ADAMTS18: variants seen among roughly 807,000 people sequenced by gnomAD.
ADAMTS18 encodes the protein A disintegrin and metalloproteinase with thrombospondin motifs 18.
In ADAMTS18, 157 loss-of-function variants were observed where a neutral mutation model predicts 165.9. The ratio of observed to expected loss-of-function variants is 0.95; its 90% CI spans 0.83 to 1.08. ADAMTS18 has a LOEUF of 1.08. Ranked by LOEUF, ADAMTS18 falls within the 50% of genes least tolerant of loss-of-function variation. The pLI is 0.00. For synonymous variants in ADAMTS18, 782 were observed against 578.2 expected, an observed-to-expected ratio of 1.35 and a Z score of -5.06; for missense variants, 2,040 against 1,534.0, an observed-to-expected ratio of 1.33 and a Z score of -5.51.
chr16:77,289,560 C>T (rs952556541), intron 21 of ADAMTS18, 149 bp from the exon 22 acceptor site: 40 of 852,128 alleles, frequency 4.7e-5, no homozygotes, highest in Non-Finnish European at 6.5e-5. Context: ...TTACAGTCCA[C>T]AGCATCTATC....
intron 10 of ADAMTS18, among the ~76,000 whole-genome samples, chr16:77,351,854 C>A (rs2056560871): frequency 6.6e-6 from 1 of 152,086 alleles, no homozygotes; most frequent in African/African-American, 2.4e-5. Flanking sequence ...CCTGCCTCAG[C>A]CTCCCTAGTA....
intron 3 of ADAMTS18, among the ~76,000 whole-genome samples, chr16:77,382,036 T>C (rs913348338): frequency 3.9e-5 from 6 of 152,108 alleles, no homozygotes; most frequent in Admixed American, 1.3e-4. Flanking sequence ...TTCTACGTAC[T>C]TTCAGGGCAG....
intron 3 of ADAMTS18, among the ~76,000 whole-genome samples, chr16:77,409,327 G>C (rs2057431483): frequency 6.6e-6 from 1 of 152,100 alleles, no homozygotes; most frequent in East Asian, 1.9e-4. Flanking sequence ...AAAACCTTTA[G>C]ACTAAAGCTA....
chr16:77,353,071 C>A (rs888302291), intron 10 of ADAMTS18, among the ~76,000 whole-genome samples: 1 of 151,402 alleles, frequency 6.6e-6, no homozygotes, highest in South Asian at 2.1e-4. Context: ...CACAGTGAGA[C>A]TCTGTCTCAA....
At chr16:77,394,781 C>T (rs2057235209) in intron 3 of ADAMTS18, among the ~76,000 whole-genome samples, 1 of 152,154 alleles carries the variant, frequency 6.6e-6, no homozygotes. Context: ...AACTGATAAA[C>T]ATTAATGTAG....
chr16:77,430,401 C>G (rs1433246141), intron 3 of ADAMTS18, among the ~76,000 whole-genome samples: 1 of 152,194 alleles, frequency 6.6e-6, no homozygotes, highest in Non-Finnish European at 1.5e-5. Flanking sequence ...TCCGCATTCA[C>G]CCGTACCCAA....
chr16:77,343,209 G>T (rs544760102), intron 10 of ADAMTS18, among the ~76,000 whole-genome samples: 1 of 152,200 alleles, frequency 6.6e-6, no homozygotes, highest in African/African-American at 2.4e-5. Flanking sequence ...GAGTAACTGG[G>T]ATTACAAGCA....
chr16:77,322,388 C>G lies in ADAMTS18; in HGVS notation c.2111G>C (p.Gly704Ala). ...FFAMSGKVKD[G>A]TPCSPNKNDV... ...ATTTTTGTTTGGGGAGCAGGGAGTT[C>G]CATCTTTCACTTTGCCGGACATTGC... The change falls in exon 14 of 23, where the codon GGA (glycine) becomes GCA (alanine). Residue 704 changes from glycine (G) to alanine (A), a missense_variant. Physicochemically the swap from Gly to Ala is moderately conservative, Grantham distance 60. Coordinates refer to ENST00000282849, the MANE Select transcript of ADAMTS18 (RefSeq NM_199355.4). 1 of 1,613,956 alleles carries G rather than the reference C, an allele frequency of 6.2e-7. No homozygotes were observed. The highest frequency in any genetic ancestry group is 8.5e-7 in the Non-Finnish European group (1 of 1,179,958).
chr16:77,361,966 AGG>A, intron 7 of ADAMTS18, 137 bp downstream of exon 7: 1 of 956,002 alleles, frequency 1.0e-6, no homozygotes, highest in Admixed American at 2.0e-5. Flanking sequence ...TAGTCACCAC[AGG>A]GTACATTAGG....
At chr16:77,385,602 A>C (rs536600889) in intron 3 of ADAMTS18, among the ~76,000 whole-genome samples, 3 of 152,304 alleles carry the variant, frequency 2.0e-5, no homozygotes, top group Non-Finnish European at 4.4e-5. Context: ...CCTCCCTTGG[A>C]ACTGACAGCA....
intron 3 of ADAMTS18, among the ~76,000 whole-genome samples, chr16:77,412,427 C>T (rs951952032): frequency 4.6e-5 from 7 of 152,106 alleles, no homozygotes; most frequent in East Asian, 1.9e-4. Context: ...TGGACTCAAG[C>T]GATCCTCCTG....
At chr16:77,366,375 C>T (rs544841932) in intron 4 of ADAMTS18, among the ~76,000 whole-genome samples, 1 of 152,048 alleles carries the variant, frequency 6.6e-6, no homozygotes, top group Non-Finnish European at 1.5e-5. Flanking sequence ...CTGGCCAACA[C>T]AGGGAAACCC....
chr16:77,345,157 T>C (rs2056457417), intron 10 of ADAMTS18, among the ~76,000 whole-genome samples: 1 of 152,214 alleles, frequency 6.6e-6, no homozygotes, highest in Non-Finnish European at 1.5e-5. Flanking sequence ...AGTTGTATTC[T>C]ATAGGCTGGA....
chr16:77,303,969 G>T (rs973400126), intron 16 of ADAMTS18, among the ~76,000 whole-genome samples: 1 of 152,162 alleles, frequency 6.6e-6, no homozygotes, highest in Non-Finnish European at 1.5e-5. Context: ...GGCGGAGCTT[G>T]CAGTGAGCCG....
At chr16:77,316,110 C>T (rs560092807) in intron 16 of ADAMTS18, among the ~76,000 whole-genome samples, 104 of 152,310 alleles carry the variant, frequency 6.8e-4, no homozygotes, top group Non-Finnish European at 9.6e-4. Context: ...CCATAATACA[C>T]TGCAAACAGA....
At chr16:77,328,148 G>A (rs1490419019) in intron 12 of ADAMTS18, among the ~76,000 whole-genome samples, 1 of 151,974 alleles carries the variant, frequency 6.6e-6, no homozygotes, top group Non-Finnish European at 1.5e-5. Context: ...TTAAGATCTT[G>A]GTAGGCAGAT....
intron 13 of ADAMTS18, among the ~76,000 whole-genome samples, chr16:77,322,981 G>C (rs2056030380): frequency 6.6e-6 from 1 of 152,078 alleles, no homozygotes; most frequent in Non-Finnish European, 1.5e-5. Context: ...CATACGGTTA[G>C]TCATGTTTGT....
intron 18 of ADAMTS18, among the ~76,000 whole-genome samples, chr16:77,297,035 G>C (rs1180694952): frequency 1.3e-5 from 2 of 152,156 alleles, no homozygotes; most frequent in Non-Finnish European, 2.9e-5. Flanking sequence ...ATATGTAAGT[G>C]GCACAATCAT....
chr16:77,306,107 G>A (rs2055677402), intron 16 of ADAMTS18, among the ~76,000 whole-genome samples: 5 of 152,142 alleles, frequency 3.3e-5, no homozygotes, highest in Admixed American at 3.3e-4. Flanking sequence ...GCACAAATTT[G>A]GAAAGACCGC....
Sources: gnomAD v4.1 joint callset for allele counts (sites outside exome capture counted in the v4.1 genomes callset) on GRCh38, gnomAD v4.1.1 for gene constraint, MANE v1.5 for transcripts, NCBI Gene and HGNC (gene_info 2026-07-23, HGNC 2026-07-21) for gene names.